Variants in MYH9 observed in about 807,000 individuals in gnomAD.
The protein encoded by MYH9 is myosin-9.
Under a neutral mutation model 241.9 loss-of-function variants are expected in MYH9, and 29 were observed. The observed-to-expected ratio is 0.12, with a 90% CI of 0.09 to 0.16. The LOEUF is 0.16. MYH9 is among the 10% of genes least tolerant of loss of function. The pLI, the probability that MYH9 is intolerant of heterozygous loss-of-function variation, is 1.00. For synonymous variants in MYH9, 1,047 were observed against 1,062.6 expected (o/e 0.99, Z 0.29); for missense variants, 1,803 against 2,595.5 (o/e 0.69, Z 6.63).
At chr22:36,349,835 T>C (rs531285614) in intron 1 of MYH9, among the ~76,000 whole-genome samples, 1 of 152,262 alleles carries the variant, frequency 6.6e-6, no homozygotes, top group Admixed American at 6.5e-5. Context: ...CAAAGACAGA[T>C]GCAATTCAAG....
intron 1 of MYH9, among the ~76,000 whole-genome samples, chr22:36,371,380 G>A (rs573043901): frequency 1.1e-4 from 16 of 152,256 alleles, no homozygotes; most frequent in Middle Eastern, 3.4e-3. Context: ...GTTGGCAGAC[G>A]GCCATCTATG....
chr22:36,306,175 G>C lies in MYH9; in HGVS notation c.2038-124C>G. On this transcript the variant is annotated intron_variant, in intron 16 of 40. Transcript: ENST00000216181. The surrounding 1 kb of genome is among the most constrained non-coding windows in gnomAD (Gnocchi z 4.1). ...AGGGAGGGGGTCGCTACAGCCCACAGGTTTGGACAATGAAGTCAAAGGATC... is the reference window on the plus strand; with the variant it reads ...AGGGAGGGGGTCGCTACAGCCCACACGTTTGGACAATGAAGTCAAAGGATC... 6.6e-7 allele frequency: 1 copy of C among 1,504,152 alleles called. No homozygotes were observed. The highest frequency in any genetic ancestry group is 1.1e-5 in the South Asian group (1 of 87,602). 93.2% of individuals were successfully genotyped at this position (1,504,152 alleles called of 1,614,324 possible). A position where few individuals can be genotyped will look rare whatever the true frequency, so the allele number is the denominator to read the frequency against.
chr22:36,285,355 G>C lies in MYH9; in HGVS notation c.5275-26C>G. 2 of 1,600,900 alleles carry C rather than the reference G, an allele frequency of 1.2e-6. No individual in the cohort carries two copies. The highest frequency in any genetic ancestry group is 1.7e-6 in the Non-Finnish European group (2 of 1,177,658). On this transcript the variant is annotated intron_variant, in intron 37 of 40. Transcript: ENST00000216181. The surrounding 1 kb of genome is among the most constrained non-coding windows in gnomAD (Gnocchi z 7.0). Reference sequence around the variant, plus strand: ...CTGCAGAAGAAGGGCCAGTGACCTTGGGGAGGGCTGGGGCCCTGGCTGGAG... The same window carrying C: ...CTGCAGAAGAAGGGCCAGTGACCTTCGGGAGGGCTGGGGCCCTGGCTGGAG...
Position 36,330,323 on chromosome 22 carries a change from T to G in MYH9, c.491-2835A>C, listed in dbSNP as rs1421052037. Among the ~76,000 whole-genome samples, 1 of 152,250 alleles carries G rather than the reference T, an allele frequency of 6.6e-6. No homozygotes were observed. Among genetic ancestry groups the G allele is most frequent in the Non-Finnish European group, 1.5e-5 (1 of 68,038 alleles). On this transcript the variant is annotated intron_variant, in intron 3 of 40. Coordinates refer to ENST00000216181, the MANE Select transcript of MYH9 (RefSeq NM_002473.6). The surrounding 1 kb of genome is among the most constrained non-coding windows in gnomAD (Gnocchi z 4.5). ...TTGCATCTCTTACCGCACTGCTTAG[T>G]ATCCTAAATCCACCGGCCGGATGCA... is the stretch of plus-strand genomic sequence containing the variant.
At chr22:36,315,906 T>C (rs1362442037) in intron 12 of MYH9, among the ~76,000 whole-genome samples, 2 of 151,450 alleles carry the variant, frequency 1.3e-5, no homozygotes, top group Admixed American at 6.6e-5. Flanking sequence ...GGAGTGGTGG[T>C]GCGTGCCTAT....
chr22:36,341,322 C>T, intron 3 of MYH9, 48 bp downstream of exon 3: 1 of 1,609,692 alleles, frequency 6.2e-7, no homozygotes, highest in Non-Finnish European at 8.5e-7. Flanking sequence ...GTCAATGAGG[C>T]CCCAGGTGAA....
chr22:36,316,995 C>T (rs1304320851), intron 11 of MYH9, among the ~76,000 whole-genome samples: 5 of 151,120 alleles, frequency 3.3e-5, no homozygotes, highest in African/African-American at 9.8e-5. Flanking sequence ...ACCCTAAATG[C>T]ACCCGATCTC....
chr22:36,314,206 T>G lies in MYH9; in HGVS notation c.1493A>C (p.Glu498Ala). The change falls in exon 13 of 41, where the codon GAG becomes GCG. Residue 498 changes from glutamate to alanine, a missense_variant. Glu to Ala is a moderately radical substitution (Grantham distance 107, BLOSUM62 -1). Coordinates refer to ENST00000216181, the MANE Select transcript of MYH9 (RefSeq NM_002473.6). The part of the protein sequence containing the change: ...EQEEYQREGI[E>A]WNFIDFGLDL... The stretch of plus-strand genomic sequence containing the variant: ...GAGGCCAAAGTCGATGAAGTTCCAC[T>G]CGATGCCCTCGCGCTGGTACTCCTC... 3.1e-6 allele frequency: 5 copies of G among 1,614,206 alleles called. No individual in the cohort carries two copies. Among genetic ancestry groups the G allele is most frequent in the Non-Finnish European group, 4.2e-6 (5 of 1,180,040 alleles).
In MYH9 at chr22:36,300,186, G is replaced by C; in HGVS notation, c.2917C>G (p.Leu973Val). Reference sequence around the variant, plus strand: ...ATCTGCTCCTCCTCCAGCTTTTTCAGCTTCGCCTCGGTGGTCACCTTCTCC... The same window carrying C: ...ATCTGCTCCTCCTCCAGCTTTTTCACCTTCGCCTCGGTGGTCACCTTCTCC... ...QLEKVTTEAK[L>V]KKLEEEQIIL... The change falls in exon 23 of 41, where the codon CTG (leucine) becomes GTG (valine). Residue 973 changes from leucine to valine, a missense_variant. Physicochemically the swap from Leu to Val is conservative, Grantham distance 32 (BLOSUM62 1). Coordinates refer to ENST00000216181, the MANE Select transcript of MYH9 (RefSeq NM_002473.6). The surrounding 1 kb of genome is among the most constrained non-coding windows in gnomAD (Gnocchi z 5.0). 1.2e-6 allele frequency: 2 copies of C among 1,613,450 alleles called. No individual in the cohort carries two copies. The highest frequency in any genetic ancestry group is 2.7e-5 in the African/African-American group (2 of 75,044).
At position 36,378,462 on chromosome 22, in the gene MYH9, G is replaced by A. The variant is rs541878746; in HGVS notation, c.-20+9345C>T. Among the ~76,000 whole-genome samples the A allele has an allele frequency of 1.2e-4, 19 of 152,280 alleles. No individual in the cohort carries two copies. In the East Asian group the frequency reaches 2.1e-3, roughly 17 times the overall value. ...AACTTTATTTTGTTCCTTCTCCCGTGCATTTTGTGTTGAAAATATAACAAA... is the reference window on the plus strand; with the variant it reads ...AACTTTATTTTGTTCCTTCTCCCGTACATTTTGTGTTGAAAATATAACAAA... On this transcript the variant is annotated intron_variant, in intron 1 of 40. Coordinates refer to ENST00000216181, the MANE Select transcript of MYH9 (RefSeq NM_002473.6).
intron 2 of MYH9, 77 bp from the exon 3 acceptor site, chr22:36,341,603 T>C (rs746591233): frequency 1.5e-5 from 23 of 1,546,038 alleles, no homozygotes; most frequent in Admixed American, 8.5e-5. Flanking sequence ...TAGCAAAATA[T>C]CTGCGGCTTC....
At chr22:36,350,510 C>A (rs1037531771) in intron 1 of MYH9, among the ~76,000 whole-genome samples, 2 of 152,310 alleles carry the variant, frequency 1.3e-5, no homozygotes, top group East Asian at 3.9e-4. Flanking sequence ...GCACTCCAGC[C>A]TGGGCAACAA....
intron 40 of MYH9, 104 bp downstream of exon 40, chr22:36,283,989 T>C: frequency 1.4e-6 from 2 of 1,417,624 alleles, no homozygotes; most frequent in Admixed American, 3.3e-5. Context: ...TGTGCAGTCC[T>C]TTCTTGGTGA....
intron 3 of MYH9, among the ~76,000 whole-genome samples, chr22:36,332,267 G>C (rs1205874811): frequency 6.6e-6 from 1 of 152,238 alleles, no homozygotes; most frequent in Non-Finnish European, 1.5e-5. Context: ...ACAAGTCTTT[G>C]GGAGGCAAAC....
At chr22:36,367,050 C>G (rs771065660) in intron 1 of MYH9, among the ~76,000 whole-genome samples, 1 of 152,184 alleles carries the variant, frequency 6.6e-6, no homozygotes, top group Non-Finnish European at 1.5e-5. Flanking sequence ...CGTTAGGGGG[C>G]TCGCAGAGAC....
chr22:36,286,779 T>C lies in MYH9; in HGVS notation c.5000A>G (p.Gln1667Arg), dbSNP rs953819948. The part of the protein sequence containing the change: ...TRASREEILA[Q>R]AKENEKKLKS... ...CAGCTTCTTCTCGTTCTCTTTGGCCTGGGCCAGGATCTCCTCACGAGAGGC... is the reference window on the plus strand; with the variant it reads ...CAGCTTCTTCTCGTTCTCTTTGGCCCGGGCCAGGATCTCCTCACGAGAGGC... Residue 1667 changes from glutamine (Q) to arginine (R), a missense_variant, in exon 35 of 41, where the codon CAG (glutamine) becomes CGG (arginine). By Grantham distance (43) the Gln-to-Arg change is conservative. Transcript: ENST00000216181. 8.7e-6 allele frequency: 14 copies of C among 1,612,946 alleles called. No homozygotes were observed. The highest frequency in any genetic ancestry group is 1.2e-5 in the Non-Finnish European group (14 of 1,180,038).
chr22:36,350,854 G>A (rs1465386692), intron 1 of MYH9, among the ~76,000 whole-genome samples: 4 of 152,212 alleles, frequency 2.6e-5, no homozygotes, highest in African/African-American at 4.8e-5. Context: ...GCCACCAGAG[G>A]AGGCAGCCCA....
intron 12 of MYH9, among the ~76,000 whole-genome samples, 194 bp downstream of exon 12, chr22:36,316,323 C>T (rs1474631850): frequency 8.6e-5 from 13 of 150,494 alleles, no homozygotes; most frequent in East Asian, 3.9e-4. Flanking sequence ...CATGAGCTAC[C>T]GTGCCCAGCC....
intron 3 of MYH9, among the ~76,000 whole-genome samples, chr22:36,336,219 A>C (rs949225224): frequency 2.0e-5 from 3 of 152,238 alleles, no homozygotes; most frequent in African/African-American, 7.2e-5. Flanking sequence ...TTCACATAGA[A>C]GGGGCTTTTT....
Sources: allele counts gnomAD v4.1 joint callset (sites outside exome capture counted in the v4.1 genomes callset), GRCh38; gene constraint gnomAD v4.1.1; non-coding constraint Gnocchi (gnomAD v3.1); transcripts MANE v1.5; gene names NCBI Gene and HGNC (gene_info 2026-07-23, HGNC 2026-07-21).